Variants in ART3 observed in about 807,000 individuals in gnomAD.
ART3 encodes the protein ecto-ADP-ribosyltransferase 3.
In ART3, 49 loss-of-function variants were observed where a neutral mutation model predicts 48.5. The observed-to-expected ratio is 1.01, with a 90% CI of 0.80 to 1.28. The LOEUF (loss-of-function observed/expected upper bound fraction) is 1.28. Among genes scored for constraint, ART3 ranks in the 50% most tolerant of loss-of-function variants. The pLI is 0.00. For synonymous variants in ART3, 145 were observed against 157.2 expected (o/e 0.92, Z 0.58); for missense variants, 438 against 454.3 (o/e 0.96, Z 0.33).
chr4:76,021,820 T>G, intron 1 of ART3: 1 of 1,102,518 alleles, frequency 9.1e-7, no homozygotes. Flanking sequence ...AACTGCAAAC[T>G]AAGAACAATT....
At chr4:76,086,976 C>CT in intron 3 of ART3, among the ~76,000 whole-genome samples, 1 of 152,234 alleles carries the variant, frequency 6.6e-6, no homozygotes, top group African/African-American at 2.4e-5. Flanking sequence ...GAAACTTTAT[C>CT]AGCATAGCAC....
chr4:76,022,087 G>A, intron 1 of ART3: 1 of 871,758 alleles, frequency 1.1e-6, no homozygotes, highest in Non-Finnish European at 1.9e-6. Flanking sequence ...GATTATAGGG[G>A]TTGCTTTTTT....
intron 3 of ART3, among the ~76,000 whole-genome samples, chr4:76,091,157 G>A (rs958495611): frequency 3.3e-5 from 5 of 152,202 alleles, no homozygotes; most frequent in African/African-American, 1.2e-4. Context: ...TGATGAGTAC[G>A]TGGGTTGTTT....
chr4:76,107,724 T>C (rs763627171), intron 10 of ART3, 37 bp from the exon 11 acceptor site: 11 of 1,325,712 alleles, frequency 8.3e-6, no homozygotes, highest in Middle Eastern at 1.9e-4. Context: ...TAAACAGATA[T>C]ACAATATAAC....
At position 76,097,547 on chromosome 4, in the gene ART3, G is replaced by C. The variant is rs958025200; in HGVS notation, c.782-97G>C. On this transcript the variant is annotated intron_variant, in intron 3 of 11. Transcript: ENST00000355810. ...ACTAATTATGAGTCTGATAAACCAG[G>C]AGCTGACAGATTAGGTTACCAACAG... The C allele has an allele frequency of 1.9e-5, 19 of 1,024,584 alleles. No individual in the cohort carries two copies. The South Asian group carries it at 2.7e-4, about 14-fold the overall frequency. 63.5% of individuals were successfully genotyped at this position (1,024,584 alleles called of 1,614,324 possible).
chr4:76,083,505 C>T (rs912187959), intron 3 of ART3, among the ~76,000 whole-genome samples: 3 of 152,170 alleles, frequency 2.0e-5, no homozygotes, highest in Non-Finnish European at 4.4e-5. Context: ...GTCTTAGAGG[C>T]AGGCTGTTCA....
At chr4:76,034,278 C>G (rs765218044) in intron 1 of ART3, 2 of 396,362 alleles carry the variant, frequency 5.0e-6, no homozygotes, top group Non-Finnish European at 8.9e-6. Flanking sequence ...ATGCTTTTGA[C>G]TTATAAGGGC....
At chr4:76,080,655 C>T (rs902539649) in intron 2 of ART3, among the ~76,000 whole-genome samples, 6 of 152,062 alleles carry the variant, frequency 3.9e-5, no homozygotes, top group African/African-American at 4.8e-5. Flanking sequence ...GGATTACAGG[C>T]GCCTGCCACT....
chr4:76,041,435 T>G lies in ART3; in HGVS notation c.-10+30115T>G, dbSNP rs530693030. On this transcript the variant is annotated intron_variant, in intron 1 of 9. Transcript: ENST00000341029. ...TGTCTTCATGAAGCCTTTTTCATTA[T>G]ATCGTGGTATCTTCTTGACCTTTAT... 3 of 152,376 alleles carry G rather than the reference T, an allele frequency of 2.0e-5. No homozygotes were observed. In the East Asian group the frequency reaches 5.8e-4, roughly 29 times the overall value. 9.4% of individuals were successfully genotyped at this position (152,376 alleles called of 1,614,324 possible). A position where few individuals can be genotyped will look rare whatever the true frequency, so the allele number is the denominator to read the frequency against.
chr4:76,021,283 A>G (rs1732783698), intron 1 of ART3: 1 of 152,170 alleles, frequency 6.6e-6, no homozygotes, highest in Non-Finnish European at 1.5e-5. Context: ...TTTTCCTGTT[A>G]CTCATTGATA....
intron 3 of ART3, among the ~76,000 whole-genome samples, chr4:76,092,652 A>C (rs1442083653): frequency 6.6e-6 from 1 of 151,818 alleles, no homozygotes; most frequent in African/African-American, 2.4e-5. Context: ...GAGTTCATTG[A>C]ACTTATGGAT....
At chr4:76,036,791 C>A in intron 1 of ART3, 2 of 252,796 alleles carry the variant, frequency 7.9e-6, no homozygotes, top group Non-Finnish European at 1.7e-5. Context: ...GCAGCCAGGA[C>A]GTTGCTCAGC....
chr4:76,100,457 C>G, intron 6 of ART3, 137 bp downstream of exon 6: 2 of 879,366 alleles, frequency 2.3e-6, no homozygotes, highest in Non-Finnish European at 3.5e-6. Context: ...ATAGTAAAAC[C>G]CCATCTTTAC....
At chr4:76,104,743 C>A in intron 10 of ART3, 114 bp downstream of exon 10, 1 of 1,285,370 alleles carries the variant, frequency 7.8e-7, no homozygotes, top group East Asian at 2.5e-5. Flanking sequence ...CAAATGTAGC[C>A]ATCAGTAGTC....
At chr4:76,068,430 G>A (rs1719955424) in intron 1 of ART3, among the ~76,000 whole-genome samples, 1 of 152,150 alleles carries the variant, frequency 6.6e-6, no homozygotes, top group African/African-American at 2.4e-5. Context: ...TATATACCAT[G>A]TAATACTATG....
At chr4:76,100,185 GTTC>G in intron 5 of ART3, 103 bp from the exon 6 acceptor site, 1 of 1,162,920 alleles carries the variant, frequency 8.6e-7, no homozygotes, top group Non-Finnish European at 1.3e-6. Flanking sequence ...GTATCAAATG[GTTC>G]TTTATAGTCA....
intron 1 of ART3, among the ~76,000 whole-genome samples, chr4:76,038,032 TC>T (rs1390972140): frequency 6.6e-6 from 1 of 151,882 alleles, no homozygotes; most frequent in Non-Finnish European, 1.5e-5. Flanking sequence ...TTTACAGTAG[TC>T]CCCCATTAAA....
At chr4:76,029,228 A>C (rs1049473936) in intron 1 of ART3, among the ~76,000 whole-genome samples, 1 of 152,224 alleles carries the variant, frequency 6.6e-6, no homozygotes, top group African/African-American at 2.4e-5. Flanking sequence ...ATTATCATTC[A>C]GTTTTCTTCA....
intron 1 of ART3, among the ~76,000 whole-genome samples, chr4:76,045,501 A>G (rs995599649): frequency 1.3e-5 from 2 of 152,016 alleles, no homozygotes; most frequent in African/African-American, 4.8e-5. Context: ...CGCTGCTGCA[A>G]CTACCCTTAA....
Sources: gnomAD v4.1 joint callset for allele counts (sites outside exome capture counted in the v4.1 genomes callset) on GRCh38, gnomAD v4.1.1 for gene constraint, MANE v1.5 for transcripts, NCBI Gene and HGNC (gene_info 2026-07-23, HGNC 2026-07-21) for gene names.